The following SLC7A14 variants were observed in gnomAD, a reference collection of about 807,000 sequenced individuals.
SLC7A14 encodes the protein solute carrier family 7 member 14.
SLC7A14 carries 37 observed loss-of-function variants against 60.2 expected under a neutral mutation model. The ratio of observed to expected loss-of-function variants is 0.61; its 90% CI spans 0.47 to 0.81. The LOEUF (loss-of-function observed/expected upper bound fraction) is 0.81. Among genes scored for constraint, SLC7A14 ranks in the 30% least tolerant of loss-of-function variants. The pLI is 0.00. For missense variants in SLC7A14, 886 were observed against 982.7 expected (o/e 0.90, Z 1.32); for synonymous variants, 399 against 395.8 (o/e 1.01, Z -0.10).
At chr3:170,499,236 CAAAAAAAAAAAAAAAA>C (rs11336080) in intron 3 of SLC7A14, among the ~76,000 whole-genome samples, 2,202 of 60,264 alleles carry the variant, frequency 0.037, 60 homozygotes, top group Middle Eastern at 0.08. Flanking sequence ...GACTCTGTCT[CAAAAAAAAAAAAAAAA>C]AAAAAAAAAA....
At chr3:170,583,006 T>C (rs1382719209) in intron 1 of SLC7A14, among the ~76,000 whole-genome samples, 1 of 152,168 alleles carries the variant, frequency 6.6e-6, no homozygotes, top group African/African-American at 2.4e-5. Context: ...TGAAATAACT[T>C]CACATAGTGC....
At chr3:170,554,046 C>A (rs1714422447) in intron 1 of SLC7A14, among the ~76,000 whole-genome samples, 1 of 152,016 alleles carries the variant, frequency 6.6e-6, no homozygotes, top group Non-Finnish European at 1.5e-5. Context: ...CTTTGTTTCT[C>A]TCCGTATTTT....
chr3:170,496,953 G>A (rs1273043933), intron 4 of SLC7A14, among the ~76,000 whole-genome samples: 4 of 152,136 alleles, frequency 2.6e-5, no homozygotes, highest in Non-Finnish European at 5.9e-5. Context: ...GGAGGCTGCT[G>A]TGCAGGGGAG....
In SLC7A14 at chr3:170,483,577, A is replaced by C; in HGVS notation, c.907-55T>G. ...GGTACAGGGGAAGAACAGCATGGAT[A>C]GAGGCCCCACGGGAGAGGAAAGAGC... On this transcript the variant is annotated intron_variant, in intron 5 of 7. Transcript: ENST00000231706. 3.1e-6 allele frequency: 5 copies of C among 1,593,962 alleles called. No individual in the cohort carries two copies. In the South Asian group the frequency reaches 5.5e-5, roughly 18 times the overall value.
At chr3:170,495,566 C>G (rs1252807041) in intron 4 of SLC7A14, 1 of 758,732 alleles carries the variant, frequency 1.3e-6, no homozygotes. Context: ...CCCGAGTGAG[C>G]AGCAGCAGCT....
intron 1 of SLC7A14, among the ~76,000 whole-genome samples, chr3:170,556,754 G>A (rs988446695): frequency 6.6e-6 from 1 of 152,130 alleles, no homozygotes. Flanking sequence ...CCCTATTTAG[G>A]CATTCCTCAG....
intron 7 of SLC7A14, among the ~76,000 whole-genome samples, chr3:170,479,957 A>G (rs139835274): frequency 6.6e-6 from 1 of 152,346 alleles, no homozygotes; most frequent in Non-Finnish European, 1.5e-5. Context: ...GACCCCAATT[A>G]TACTATGCTA....
At chr3:170,577,624 C>CAAAAAA (rs56357954) in intron 1 of SLC7A14, among the ~76,000 whole-genome samples, 11 of 52,028 alleles carry the variant, frequency 2.1e-4, no homozygotes, top group East Asian at 1.7e-3. Context: ...GACTCCGTCT[C>CAAAAAA]AAAAAAAAAA....
chr3:170,520,236 T>C (rs1252720426), intron 2 of SLC7A14, among the ~76,000 whole-genome samples: 3 of 152,236 alleles, frequency 2.0e-5, no homozygotes, highest in Non-Finnish European at 4.4e-5. Context: ...TTCTCATCTG[T>C]AATATGCAGT....
At chr3:170,543,144 C>G (rs1714070288) in intron 1 of SLC7A14, among the ~76,000 whole-genome samples, 1 of 152,150 alleles carries the variant, frequency 6.6e-6, no homozygotes, top group East Asian at 1.9e-4. Context: ...GTTGACCTGT[C>G]TGAGACAGTC....
intron 1 of SLC7A14, among the ~76,000 whole-genome samples, chr3:170,561,936 A>G (rs1035340193): frequency 1.3e-5 from 2 of 152,200 alleles, no homozygotes; most frequent in Non-Finnish European, 2.9e-5. Context: ...TAAAACCACA[A>G]TGTGATACCA....
At chr3:170,473,549 A>G (rs903237843) in intron 7 of SLC7A14, among the ~76,000 whole-genome samples, 3 of 152,202 alleles carry the variant, frequency 2.0e-5, no homozygotes, top group African/African-American at 7.2e-5. Context: ...GCACTTTGTT[A>G]TGCCTAGAGG....
chr3:170,511,029 A>G (rs1268325179), intron 2 of SLC7A14, among the ~76,000 whole-genome samples: 1 of 152,218 alleles, frequency 6.6e-6, no homozygotes, highest in East Asian at 1.9e-4. Flanking sequence ...AGAGACCCAG[A>G]GAGTGGTTAT....
intron 1 of SLC7A14, among the ~76,000 whole-genome samples, chr3:170,549,538 C>G (rs1197131478): frequency 6.6e-6 from 1 of 152,170 alleles, no homozygotes; most frequent in South Asian, 2.1e-4. Context: ...CCAATCCCCT[C>G]TCTGCAATCC....
In SLC7A14 at chr3:170,585,209, C is replaced by G. The variant is rs1167190679; in HGVS notation, c.-153+702G>C. Among the ~76,000 whole-genome samples, 1 of 152,106 alleles carries G rather than the reference C, an allele frequency of 6.6e-6. No homozygotes were observed. The highest frequency in any genetic ancestry group is 1.5e-5 in the Non-Finnish European group (1 of 68,000). Reference sequence around the variant, plus strand: ...AGGGTTGAAGCAGTGCAGGAGAGCTCCCCTTGCTGGGGCTGCCGGCTCTGG... The same window carrying G: ...AGGGTTGAAGCAGTGCAGGAGAGCTGCCCTTGCTGGGGCTGCCGGCTCTGG... On this transcript the variant is annotated intron_variant, in intron 1 of 7. Transcript: ENST00000231706. This position sits in a 1 kb window ranked among gnomAD's most constrained non-coding sequence, Gnocchi z 5.1.
rs1195327433 is a variant in SLC7A14 at position 170,462,551 on chromosome 3, T to A, written c.*4504A>T. On this transcript the variant is annotated 3_prime_UTR_variant, in exon 8 of 8. Transcript: ENST00000231706. ...TTAAACAGATTTATCATGACCATTA[T>A]GTAGGCATTTGATTAGCTACTAGTT... is the stretch of plus-strand genomic sequence containing the variant. 1 of 152,206 alleles carries A rather than the reference T, an allele frequency of 6.6e-6. No individual in the cohort carries two copies. Among genetic ancestry groups the A allele is most frequent in the Admixed American group, 6.5e-5 (1 of 15,284 alleles). 9.4% of individuals were successfully genotyped at this position (152,206 alleles called of 1,614,324 possible). A position where few individuals can be genotyped will look rare whatever the true frequency, so the allele number is the denominator to read the frequency against.
intron 5 of SLC7A14, 96 bp from the exon 6 acceptor site, chr3:170,483,618 A>C: frequency 7.4e-7 from 1 of 1,346,334 alleles, no homozygotes; most frequent in Non-Finnish European, 1.1e-6. Context: ...CCCTGGAGGC[A>C]GAGGCTTGCA....
chr3:170,482,156 G>A (rs181205345), intron 6 of SLC7A14, among the ~76,000 whole-genome samples: 4 of 152,248 alleles, frequency 2.6e-5, no homozygotes, highest in African/African-American at 7.2e-5. Flanking sequence ...CAAGAAGAGC[G>A]ACTGAATGGC....
chr3:170,524,323 A>C (rs1713427718), intron 2 of SLC7A14, among the ~76,000 whole-genome samples: 1 of 152,244 alleles, frequency 6.6e-6, no homozygotes, highest in South Asian at 2.1e-4. Context: ...TGGCTCCAGC[A>C]TAACACAGTC....
Sources: gnomAD v4.1 joint callset for allele counts (sites outside exome capture counted in the v4.1 genomes callset) on GRCh38, gnomAD v4.1.1 for gene constraint, Gnocchi (gnomAD v3.1) non-coding constraint, MANE v1.5 for transcripts, NCBI Gene and HGNC (gene_info 2026-07-23, HGNC 2026-07-21) for gene names.